IL17RD: variants seen among roughly 807,000 people sequenced by gnomAD.
IL17RD encodes the protein interleukin-17 receptor D.
IL17RD carries 52 observed loss-of-function variants against 80.5 expected under a neutral mutation model. The observed-to-expected ratio is 0.65, with a 90% CI of 0.52 to 0.81. The LOEUF is 0.81. IL17RD is among the 40% of genes least tolerant of loss of function. The pLI is 0.00. For missense variants in IL17RD, 1,024 were observed against 955.1 expected, an observed-to-expected ratio of 1.07 and a Z score of -0.95; for synonymous variants, 416 against 391.8, an observed-to-expected ratio of 1.06 and a Z score of -0.73.
intron 1 of IL17RD, among the ~76,000 whole-genome samples, chr3:57,125,829 G>C (rs1260755766): frequency 1.3e-5 from 2 of 152,228 alleles, no homozygotes; most frequent in Non-Finnish European, 2.9e-5. Context: ...GCTGAAGACA[G>C]AGTCGAGGAG....
upstream of IL17RD, chr3:57,169,453 T>G: frequency 4.4e-6 from 1 of 229,758 alleles, no homozygotes; most frequent in Non-Finnish European, 8.9e-6. Flanking sequence ...TGTAAATATA[T>G]TTTCCCACTC....
Position 57,120,269 on chromosome 3 carries a change from G to A in IL17RD, c.171C>T (p.Thr57=), listed in dbSNP as rs1707304967. Residue 57 remains threonine (T), a synonymous_variant, in exon 2 of 13, where the codon ACC becomes ACT. Transcript: ENST00000296318. ...ASRNSGLYNI[T]FKYDNCTTYL... ...GCGGTTACTTACTGTCATATTTGAA[G>A]GTGATGTTGTACAGCCCACTGTTTC... The A allele has an allele frequency of 1.2e-6, 2 of 1,612,768 alleles. No homozygotes were observed. The highest frequency in any genetic ancestry group is 2.2e-5 in the South Asian group (2 of 91,064).
chr3:57,154,283 T>TACACACACACACACACACACACAC (rs1553628627), intron 1 of IL17RD, among the ~76,000 whole-genome samples: 7 of 112,898 alleles, frequency 6.2e-5, no homozygotes, highest in African/African-American at 1.9e-4. Context: ...TATATATATA[T>TACACACACACACACACACACACAC]ACACACACAC....
chr3:57,169,477 G>T, upstream of IL17RD: 1 of 200,914 alleles, frequency 5.0e-6, no homozygotes, highest in Non-Finnish European at 1.0e-5. Flanking sequence ...TTATAACCTA[G>T]CCAGATAAGA....
intron 1 of IL17RD, among the ~76,000 whole-genome samples, chr3:57,126,324 T>C (rs1559476264): frequency 6.6e-6 from 1 of 152,186 alleles, no homozygotes; most frequent in Non-Finnish European, 1.5e-5. Context: ...TGGTGCTCTA[T>C]GGTCAGTAGG....
intron 1 of IL17RD, among the ~76,000 whole-genome samples, chr3:57,160,532 C>T (rs1280770939): frequency 1.3e-5 from 2 of 152,006 alleles, no homozygotes; most frequent in Admixed American, 1.3e-4. Context: ...TCCTCATCTG[C>T]CCCAGGCCAG....
chr3:57,108,026 T>C (rs1247931571), intron 5 of IL17RD, among the ~76,000 whole-genome samples: 3 of 152,094 alleles, frequency 2.0e-5, no homozygotes, highest in African/African-American at 7.2e-5. Context: ...TGCTCCTACC[T>C]TTACCACAAA....
At chr3:57,136,724 C>G (rs1707739196) in intron 1 of IL17RD, among the ~76,000 whole-genome samples, 1 of 147,926 alleles carries the variant, frequency 6.8e-6, no homozygotes, top group South Asian at 2.1e-4. Context: ...TCTCATTTAT[C>G]CATGAAAAAC....
chr3:57,098,153 C>T lies in IL17RD; in HGVS notation c.1550G>A (p.Gly517Asp). ...CGTGTGCTGCCCCGGCTCCTGGAGG[C>T]CGTGGTCTCGGGAGTGCAAGTGGGA... Reference protein sequence around the residue: ...LCSHLHSRDHGLQEPGQHTRQ... With the variant: ...LCSHLHSRDHDLQEPGQHTRQ... Residue 517 changes from glycine to aspartate, a missense_variant, in exon 12 of 13, where the codon GGC becomes GAC. Gly to Asp is a moderately conservative substitution (Grantham distance 94). Transcript: ENST00000296318. 1.2e-6 allele frequency: 2 copies of T among 1,613,978 alleles called. No homozygotes were observed. The highest frequency in any genetic ancestry group is 1.7e-5 in the Admixed American group (1 of 60,014).
intron 1 of IL17RD, among the ~76,000 whole-genome samples, chr3:57,122,727 T>G (rs1269140022): frequency 7.0e-6 from 1 of 141,994 alleles, no homozygotes; most frequent in Non-Finnish European, 1.5e-5. Context: ...TGGGTCTGGG[T>G]CTCCTCAACT....
intron 2 of IL17RD, among the ~76,000 whole-genome samples, chr3:57,119,899 G>T (rs1333851411): frequency 1.3e-5 from 2 of 152,190 alleles, no homozygotes; most frequent in African/African-American, 4.8e-5. Context: ...TATCCAGTTT[G>T]CCATACTGTC....
chr3:57,156,458 G>A (rs747554186), intron 1 of IL17RD, among the ~76,000 whole-genome samples: 46 of 152,004 alleles, frequency 3.0e-4, no homozygotes, highest in African/African-American at 1.1e-3. Flanking sequence ...CCAGCTACTC[G>A]GGAGGCTGAG....
intron 1 of IL17RD, among the ~76,000 whole-genome samples, chr3:57,129,248 G>A (rs1316784087): frequency 6.6e-6 from 1 of 152,048 alleles, no homozygotes; most frequent in East Asian, 1.9e-4. Context: ...CCAGCAAATC[G>A]GCTACTGACT....
chr3:57,126,319 C>T lies in IL17RD; in HGVS notation c.127-6006G>A, dbSNP rs150969160. The stretch of plus-strand genomic sequence containing the variant: ...TGCTATGAAATTCCTTTGGTTGGTG[C>T]TCTATGGTCAGTAGGGACGGAAGCA... On this transcript the variant is annotated intron_variant, in intron 1 of 12. Transcript: ENST00000296318. 1.4e-3 allele frequency among the ~76,000 whole-genome samples: 215 copies of T among 152,252 alleles called. 1 individual carries two copies. The highest frequency in any genetic ancestry group is 6.0e-3 in the Admixed American group (92 of 15,290).
chr3:57,135,941 C>T (rs1707716740), intron 1 of IL17RD, among the ~76,000 whole-genome samples: 1 of 152,150 alleles, frequency 6.6e-6, no homozygotes, highest in African/African-American at 2.4e-5. Flanking sequence ...GGTAGGTTGC[C>T]TATTGATGTG....
Position 57,094,761 on chromosome 3 carries a change from G to A in IL17RD, c.*1632C>T, listed in dbSNP as rs1046028251. 3.3e-5 allele frequency: 5 copies of A among 152,210 alleles called. No homozygotes were observed. Among genetic ancestry groups the A allele is most frequent in the African/African-American group, 1.2e-4 (5 of 41,430 alleles). The allele number at this position is 152,210 out of a possible 1,614,324, so 9.4% of individuals were successfully genotyped here. A position where few individuals can be genotyped will look rare whatever the true frequency, so the allele number is the denominator to read the frequency against. ...TCTGCACTCATTCCAGATTCCATAG[G>A]AACAACATAAAATGACTCTTCTCTG... On this transcript the variant is annotated 3_prime_UTR_variant, in exon 13 of 13. Coordinates refer to ENST00000296318, the MANE Select transcript of IL17RD (RefSeq NM_017563.5).
intron 1 of IL17RD, among the ~76,000 whole-genome samples, chr3:57,123,960 G>A (rs1009669845): frequency 6.6e-6 from 1 of 152,126 alleles, no homozygotes; most frequent in Admixed American, 6.5e-5. Context: ...CGGGAGAATC[G>A]CTTGAACCCG....
rs1277464605 is a variant in IL17RD at position 57,102,582 on chromosome 3, G to A, written c.876C>T (p.Ser292=). 1 of 1,516,712 alleles carries A rather than the reference G, an allele frequency of 6.6e-7. No homozygotes were observed. The highest frequency in any genetic ancestry group is 9.0e-7 in the Non-Finnish European group (1 of 1,107,320). The allele number at this position is 1,516,712 out of a possible 1,614,324, so 94.0% of individuals were successfully genotyped here. ...VMHYALKPVH[S]PWAGPIRAVA... ...CGGCTCTGATGGGCCCGGCCCACGG[G>A]GAGTGCACTGGGAAATTTCAAAGGG... The change falls in exon 10 of 13, where the codon TCC becomes TCT. Residue 292 remains serine, a synonymous_variant. Coordinates refer to ENST00000296318, the MANE Select transcript of IL17RD (RefSeq NM_017563.5).
At position 57,090,006 on chromosome 3, in the gene IL17RD, G is replaced by A. The variant is rs555084338; in HGVS notation, c.*6387C>T. 1 of 152,722 alleles carries A rather than the reference G, an allele frequency of 6.5e-6. No homozygotes were observed. Among genetic ancestry groups the A allele is most frequent in the Non-Finnish European group, 1.5e-5 (1 of 68,034 alleles). The allele number at this position is 152,722 out of a possible 1,614,324, so 9.5% of individuals were successfully genotyped here. ...CTTAAAACAAAACATTTTATTTAATGCAGAAATTCTAAGGTACAAAAACAT... is the reference window on the plus strand; with the variant it reads ...CTTAAAACAAAACATTTTATTTAATACAGAAATTCTAAGGTACAAAAACAT... On this transcript the variant is annotated 3_prime_UTR_variant, in exon 13 of 13. Transcript: ENST00000296318.
Sources: allele counts gnomAD v4.1 joint callset (sites outside exome capture counted in the v4.1 genomes callset), GRCh38; gene constraint gnomAD v4.1.1; transcripts MANE v1.5; gene names NCBI Gene and HGNC (gene_info 2026-07-23, HGNC 2026-07-21).